Variants in AP2B1 observed in about 807,000 individuals in gnomAD.
AP2B1 encodes the protein adaptor related protein complex 2 subunit beta 1, also known as AP-2 complex subunit beta.
AP2B1 carries 23 observed loss-of-function variants against 102.0 expected under a neutral mutation model. The observed-to-expected ratio is 0.23, with a 90% CI of 0.16 to 0.32. The LOEUF is 0.32. Ranked by LOEUF, AP2B1 falls within the 10% of genes least tolerant of loss-of-function variation. The pLI is 1.00. For missense variants in AP2B1, 541 were observed against 1,157.4 expected (o/e 0.47, Z 7.73); for synonymous variants, 381 against 421.2 (o/e 0.90, Z 1.17).
intron 5 of AP2B1, among the ~76,000 whole-genome samples, chr17:35,611,464 C>CGT (rs150048485): frequency 0.066 from 9,952 of 151,136 alleles, 421 homozygotes; most frequent in Middle Eastern, 0.11. Context: ...GCAGTAAAGT[C>CGT]GTGTGTGTGT....
At chr17:35,677,865 T>G (rs376258952) in intron 17 of AP2B1, among the ~76,000 whole-genome samples, 4 of 151,764 alleles carry the variant, frequency 2.6e-5, no homozygotes, top group Non-Finnish European at 4.4e-5. Context: ...AAATAGTTTT[T>G]TTTTTTTTTT....
At chr17:35,722,137 G>A (rs1555593367) in intron 21 of AP2B1, among the ~76,000 whole-genome samples, 2 of 152,122 alleles carry the variant, frequency 1.3e-5, no homozygotes, top group South Asian at 2.1e-4. Context: ...CTAGCTACTC[G>A]CGAGGCTCAG....
intron 21 of AP2B1, 36 bp downstream of exon 21, chr17:35,717,385 A>G: frequency 2.5e-6 from 4 of 1,612,174 alleles, no homozygotes; most frequent in Non-Finnish European, 3.4e-6. Flanking sequence ...GATGGATTAG[A>G]GGAGGGAGGT....
At chr17:35,675,739 G>GT (rs2075686830) in intron 17 of AP2B1, among the ~76,000 whole-genome samples, 1 of 148,256 alleles carries the variant, frequency 6.7e-6, no homozygotes, top group South Asian at 2.1e-4. Flanking sequence ...CTGTTCCATT[G>GT]TTTTGTTTTT....
chr17:35,713,880 T>C (rs2076499658), intron 20 of AP2B1: 1 of 152,236 alleles, frequency 6.6e-6, no homozygotes, highest in South Asian at 2.1e-4. Flanking sequence ...CAGAAGTCTC[T>C]CCTTTCTAGC....
intron 13 of AP2B1, among the ~76,000 whole-genome samples, chr17:35,654,784 T>C (rs1428244529): frequency 6.6e-6 from 1 of 152,170 alleles, no homozygotes; most frequent in Non-Finnish European, 1.5e-5. Flanking sequence ...AGTGAAGCCC[T>C]CTGAGCCTGG....
At chr17:35,680,484 C>T (rs1458299654) in intron 17 of AP2B1, among the ~76,000 whole-genome samples, 2 of 152,066 alleles carry the variant, frequency 1.3e-5, no homozygotes, top group Non-Finnish European at 2.9e-5. Context: ...ATCTTACCAC[C>T]TCAGCCTCCT....
At chr17:35,703,091 TG>T (rs1301899037) in intron 18 of AP2B1, among the ~76,000 whole-genome samples, 1 of 150,864 alleles carries the variant, frequency 6.6e-6, no homozygotes, top group East Asian at 1.9e-4. Context: ...GCCAACACGG[TG>T]AAACCCCATC....
At chr17:35,684,057 G>A (rs1054810117) in intron 18 of AP2B1, among the ~76,000 whole-genome samples, 1 of 152,162 alleles carries the variant, frequency 6.6e-6, no homozygotes, top group African/African-American at 2.4e-5. Context: ...ATTGGCCCAG[G>A]ACTGGTGAAA....
chr17:35,707,456 C>CT (rs2076366141), intron 18 of AP2B1, among the ~76,000 whole-genome samples: 1 of 88,184 alleles, frequency 1.1e-5, no homozygotes, highest in Non-Finnish European at 2.5e-5. Flanking sequence ...CGGCTTCCCC[C>CT]CTTTTTTTTT....
At chr17:35,681,295 G>T (rs2075818102) in intron 17 of AP2B1, among the ~76,000 whole-genome samples, 1 of 152,170 alleles carries the variant, frequency 6.6e-6, no homozygotes, top group African/African-American at 2.4e-5. Context: ...AAAAAGGAAA[G>T]TGAGAATTAC....
intron 10 of AP2B1, among the ~76,000 whole-genome samples, chr17:35,639,066 G>A (rs1020610050): frequency 6.6e-6 from 1 of 151,910 alleles, no homozygotes; most frequent in Admixed American, 6.6e-5. Context: ...AGTGTGGCTC[G>A]CACCTGTAAT....
chr17:35,668,879 T>G (rs1454263925), intron 14 of AP2B1, among the ~76,000 whole-genome samples: 1 of 152,224 alleles, frequency 6.6e-6, no homozygotes, highest in Non-Finnish European at 1.5e-5. Context: ...CTGTATGGTT[T>G]TGCATTTGTG....
chr17:35,598,939 A>T (rs2073383879), intron 3 of AP2B1, among the ~76,000 whole-genome samples: 1 of 152,146 alleles, frequency 6.6e-6, no homozygotes. Flanking sequence ...CACTATTTGG[A>T]TGTTTACAGT....
chr17:35,688,126 T>G (rs2075972500), intron 18 of AP2B1, among the ~76,000 whole-genome samples: 1 of 152,208 alleles, frequency 6.6e-6, no homozygotes, highest in Non-Finnish European at 1.5e-5. Flanking sequence ...CCCTGGAGAT[T>G]CATTCCCTTC....
intron 2 of AP2B1, among the ~76,000 whole-genome samples, chr17:35,595,565 A>G (rs920881465): frequency 2.0e-5 from 3 of 152,178 alleles, no homozygotes; most frequent in African/African-American, 7.2e-5. Context: ...AAAATTAAAA[A>G]GAAAGCTCCC....
Position 35,605,702 on chromosome 17 carries a change from C to G in AP2B1, c.144-3C>G. 6.2e-7 allele frequency: 1 copy of G among 1,606,348 alleles called. No individual in the cohort carries two copies. Among genetic ancestry groups the G allele is most frequent in the Non-Finnish European group, 8.5e-7 (1 of 1,175,610 alleles). On this transcript the variant is annotated splice_region_variant and splice_polypyrimidine_tract_variant and intron_variant, in intron 3 of 21. Transcript: ENST00000610402. Reference sequence around the variant, plus strand: ...CCTTTTCTCTTTTACCCTCTCTTCTCAGTTCTCTCTTTCCAGACGTAGTGA... The same window carrying G: ...CCTTTTCTCTTTTACCCTCTCTTCTGAGTTCTCTCTTTCCAGACGTAGTGA...
chr17:35,627,231 A>G (rs1332648328), intron 7 of AP2B1, among the ~76,000 whole-genome samples, 154 bp from the exon 8 acceptor site: 1 of 139,556 alleles, frequency 7.2e-6, no homozygotes, highest in African/African-American at 2.6e-5. Context: ...AGAGGCGTAT[A>G]GAGGAAGTTT....
In AP2B1 at chr17:35,712,119, GTAA is replaced by G. The variant is rs2076463835; in HGVS notation, c.2626+1804_2626+1806del. On this transcript the variant is annotated intron_variant, in intron 20 of 21. Transcript: ENST00000610402. ...ATAATTAATTGTTTCAATTAATTCA[GTAA>G]TAATTGATTTTTTTCATTTTGTGTC... Among the ~76,000 whole-genome samples the G allele has an allele frequency of 3.9e-5, 6 of 152,230 alleles. No individual in the cohort carries two copies. The South Asian group carries it at 1.0e-3, about 26-fold the overall frequency.
Sources: gnomAD v4.1 joint callset for allele counts (sites outside exome capture counted in the v4.1 genomes callset) on GRCh38, gnomAD v4.1.1 for gene constraint, MANE v1.5 for transcripts, NCBI Gene and HGNC (gene_info 2026-07-23, HGNC 2026-07-21) for gene names.